PGCKA1: variants seen among roughly 807,000 people sequenced by gnomAD.
PGCKA1 encodes the protein PDCD10 and GCKIII kinases-associated protein 1.
the PGCKA1 span, among the ~76,000 whole-genome samples, chr4:37,493,169 G>C: frequency 1.3e-5 from 2 of 152,126 alleles, no homozygotes; most frequent in African/African-American, 2.4e-5. Flanking sequence ...GATTCAGGAA[G>C]AGGCCAAACT....
the PGCKA1 span, chr4:37,588,589 C>T: frequency 2.4e-6 from 1 of 410,062 alleles, no homozygotes; most frequent in Admixed American, 3.6e-5. Context: ...GGGGATGAAA[C>T]ACATAACCCC....
At chr4:37,549,785 G>C in the PGCKA1 span, among the ~76,000 whole-genome samples, 1 of 152,008 alleles carries the variant, frequency 6.6e-6, no homozygotes, top group East Asian at 1.9e-4. Context: ...CAGTAGACTG[G>C]GGGCTGTACA....
At chr4:37,486,827 T>C in the PGCKA1 span, among the ~76,000 whole-genome samples, 1 of 152,188 alleles carries the variant, frequency 6.6e-6, no homozygotes, top group East Asian at 1.9e-4. Flanking sequence ...CTTCATAATA[T>C]ATTTGAATGA....
At chr4:37,478,411 T>A in the PGCKA1 span, among the ~76,000 whole-genome samples, 1 of 152,114 alleles carries the variant, frequency 6.6e-6, no homozygotes, top group Admixed American at 6.5e-5. Context: ...TGACTTGATG[T>A]GACAAGTGAA....
the PGCKA1 span, among the ~76,000 whole-genome samples, chr4:37,527,843 A>G: frequency 4.7e-5 from 7 of 147,630 alleles, no homozygotes; most frequent in Non-Finnish European, 9.0e-5. Flanking sequence ...AAAAAAAAAT[A>G]CTTTTATGTT....
At chr4:37,464,580 A>G in the PGCKA1 span, among the ~76,000 whole-genome samples, 1 of 152,190 alleles carries the variant, frequency 6.6e-6, no homozygotes. Flanking sequence ...GAGGTACAGG[A>G]TGGAAAGAAA....
At chr4:37,523,336 C>T in the PGCKA1 span, among the ~76,000 whole-genome samples, 46,619 of 151,774 alleles carry the variant, frequency 0.31, 8,451 homozygotes, top group African/African-American at 0.49. Flanking sequence ...CTCTGCACCA[C>T]GCTGCCATTG....
At chr4:37,455,682 C>T in the PGCKA1 span, among the ~76,000 whole-genome samples, 1 of 152,202 alleles carries the variant, frequency 6.6e-6, no homozygotes, top group Admixed American at 6.5e-5. Context: ...CAACTCAACA[C>T]GTTCCATTAT....
chr4:37,537,624 A>G, the PGCKA1 span, among the ~76,000 whole-genome samples: 3 of 152,092 alleles, frequency 2.0e-5, no homozygotes, highest in Non-Finnish European at 2.9e-5. Flanking sequence ...GTATTTGGAG[A>G]TAGTGTCAGG....
the PGCKA1 span, among the ~76,000 whole-genome samples, chr4:37,483,109 TAGTG>T: frequency 6.6e-5 from 10 of 152,122 alleles, no homozygotes; most frequent in African/African-American, 1.7e-4. Flanking sequence ...ATTCTTGTGA[TAGTG>T]AGTAAGTTCT....
the PGCKA1 span, among the ~76,000 whole-genome samples, chr4:37,456,246 T>A: frequency 6.6e-6 from 1 of 152,198 alleles, no homozygotes; most frequent in Admixed American, 6.5e-5. Flanking sequence ...CATTGAGCCA[T>A]CCTGTGTCTC....
chr4:37,491,123 C>T, the PGCKA1 span, among the ~76,000 whole-genome samples: 1 of 152,286 alleles, frequency 6.6e-6, no homozygotes, highest in Non-Finnish European at 1.5e-5. Flanking sequence ...AGCCAGCCAG[C>T]CTACTTCCAA....
chr4:37,524,690 G>A, the PGCKA1 span, among the ~76,000 whole-genome samples: 76,348 of 151,992 alleles, frequency 0.5, 20,038 homozygotes, highest in African/African-American at 0.64. Context: ...ACCAAGAGTG[G>A]TTATTAGGTG....
At chr4:37,501,959 T>C in the PGCKA1 span, among the ~76,000 whole-genome samples, 1 of 152,120 alleles carries the variant, frequency 6.6e-6, no homozygotes, top group South Asian at 2.1e-4. Flanking sequence ...GTAGGTTTAG[T>C]CAATTGGTTT....
the PGCKA1 span, among the ~76,000 whole-genome samples, chr4:37,491,705 A>C: frequency 3.9e-5 from 6 of 152,076 alleles, no homozygotes; most frequent in East Asian, 9.6e-4. Context: ...GAATCTAGAA[A>C]ATCTACCCTC....
At chr4:37,544,839 GT>G in the PGCKA1 span, among the ~76,000 whole-genome samples, 3 of 147,612 alleles carry the variant, frequency 2.0e-5, no homozygotes, top group Non-Finnish European at 3.0e-5. Flanking sequence ...GTTCTTTTTT[GT>G]TTTTTTTTCT....
chr4:37,542,092 A>G, the PGCKA1 span, among the ~76,000 whole-genome samples: 1 of 152,146 alleles, frequency 6.6e-6, no homozygotes, highest in Non-Finnish European at 1.5e-5. Context: ...CGGGTCTCAG[A>G]TGTTTATCAT....
chr4:37,582,218 T>C, the PGCKA1 span, among the ~76,000 whole-genome samples: 2 of 152,066 alleles, frequency 1.3e-5, no homozygotes, highest in Admixed American at 1.3e-4. Flanking sequence ...TAAAACCAGG[T>C]ACACTGATTG....
chr4:37,459,778 G>A, the PGCKA1 span, among the ~76,000 whole-genome samples: 13 of 150,836 alleles, frequency 8.6e-5, no homozygotes, highest in South Asian at 2.7e-3. Context: ...ATAGGTGAAG[G>A]AGGGTGGAAG....
Sources: gnomAD v4.1 joint callset for allele counts (sites outside exome capture counted in the v4.1 genomes callset) on GRCh38, gnomAD v4.1.1 for gene constraint, MANE v1.5 for transcripts, NCBI Gene and HGNC (gene_info 2026-07-23, HGNC 2026-07-21) for gene names.